The following SYCP2L variants were observed in gnomAD, a reference collection of about 807,000 sequenced individuals.
SYCP2L encodes synaptonemal complex protein 2-like.
Under a neutral mutation model 125.8 loss-of-function variants are expected in SYCP2L, and 98 were observed. The ratio of observed to expected loss-of-function variants is 0.78; its 90% CI spans 0.66 to 0.92. SYCP2L has a LOEUF of 0.92. Ranked by LOEUF, SYCP2L falls within the 40% of genes least tolerant of loss-of-function variation. The pLI is 0.00. For synonymous variants in SYCP2L, 317 were observed against 325.4 expected (o/e 0.97, Z 0.28); for missense variants, 842 against 936.4 (o/e 0.90, Z 1.32).
intron 21 of SYCP2L, among the ~76,000 whole-genome samples, chr6:10,942,012 GA>G (rs1347005242): frequency 6.6e-6 from 1 of 151,920 alleles, no homozygotes; most frequent in Non-Finnish European, 1.5e-5. Context: ...TAGGGACATG[GA>G]TGAAGCTGGA....
chr6:10,906,358 A>C (rs1357979323), intron 9 of SYCP2L, among the ~76,000 whole-genome samples: 2 of 151,456 alleles, frequency 1.3e-5, no homozygotes, highest in East Asian at 3.9e-4. Flanking sequence ...CATGTTCCTC[A>C]TCCCATTTCC....
intron 29 of SYCP2L, among the ~76,000 whole-genome samples, chr6:10,964,822 A>G (rs1781653296): frequency 6.6e-6 from 1 of 152,208 alleles, no homozygotes; most frequent in South Asian, 2.1e-4. Context: ...AGACACTTCA[A>G]GGTCTCTCTG....
At chr6:10,908,933 A>C (rs1780555603) in intron 10 of SYCP2L, among the ~76,000 whole-genome samples, 1 of 152,076 alleles carries the variant, frequency 6.6e-6, no homozygotes, top group East Asian at 1.9e-4. Context: ...GCCCACCTCA[A>C]AGTCTTGAGA....
At chr6:10,935,332 A>G (rs1327994371) in intron 21 of SYCP2L, 145 bp downstream of exon 21, 2 of 859,224 alleles carry the variant, frequency 2.3e-6, no homozygotes, top group Non-Finnish European at 3.5e-6. Context: ...TCTTATTAGC[A>G]AATTAACAGA....
Position 10,894,221 on chromosome 6 carries a change from A to AATTTTATAT in SYCP2L, c.336+18_336+26dup, listed in dbSNP as rs1561678972. On this transcript the variant is annotated intron_variant, in intron 4 of 29. Coordinates refer to ENST00000283141, the MANE Select transcript of SYCP2L (RefSeq NM_001040274.3). ...ATCCCAAAGATAAGTGTCCTATTTT[A>AATTTTATAT]ATTTTATATGGCTTTGGGTAACTTA... 1 of 1,610,358 alleles carries AATTTTATAT rather than the reference A, an allele frequency of 6.2e-7. No homozygotes were observed. The highest frequency in any genetic ancestry group is 8.5e-7 in the Non-Finnish European group (1 of 1,179,362).
At chr6:10,939,415 C>CA (rs1248929990) in intron 21 of SYCP2L, among the ~76,000 whole-genome samples, 4 of 152,044 alleles carry the variant, frequency 2.6e-5, no homozygotes, top group African/African-American at 9.7e-5. Context: ...CCTAAATAGC[C>CA]AAAGCAATCT....
chr6:10,908,852 G>C (rs1780554497), intron 10 of SYCP2L, among the ~76,000 whole-genome samples: 1 of 152,140 alleles, frequency 6.6e-6, no homozygotes, highest in Non-Finnish European at 1.5e-5. Context: ...CCAATTTATG[G>C]GATGTATGCA....
At chr6:10,950,842 G>T (rs568110419) in intron 23 of SYCP2L, among the ~76,000 whole-genome samples, 1 of 152,070 alleles carries the variant, frequency 6.6e-6, no homozygotes, top group Non-Finnish European at 1.5e-5. Flanking sequence ...TGTAATTTTC[G>T]TAGAGACAGG....
intron 28 of SYCP2L, 63 bp downstream of exon 28, chr6:10,961,621 A>G (rs1781595031): frequency 1.4e-5 from 21 of 1,522,184 alleles, no homozygotes; most frequent in Non-Finnish European, 1.9e-5. Flanking sequence ...TGCTTTAGCT[A>G]GAGAATGGGC....
intron 4 of SYCP2L, among the ~76,000 whole-genome samples, chr6:10,895,658 A>G (rs1490699105): frequency 6.6e-6 from 1 of 152,074 alleles, no homozygotes; most frequent in Non-Finnish European, 1.5e-5. Flanking sequence ...TTAGAGAATA[A>G]AAGATTGATC....
chr6:10,913,171 G>GT (rs1164397968), intron 14 of SYCP2L, among the ~76,000 whole-genome samples: 1 of 152,156 alleles, frequency 6.6e-6, no homozygotes, highest in East Asian at 1.9e-4. Flanking sequence ...AAAATTAAAA[G>GT]TAGAACTACC....
chr6:10,941,131 C>T (rs1781211426), intron 21 of SYCP2L, among the ~76,000 whole-genome samples: 1 of 152,146 alleles, frequency 6.6e-6, no homozygotes, highest in African/African-American at 2.4e-5. Flanking sequence ...CCCTTCCTTA[C>T]ACCTTAAACA....
intron 26 of SYCP2L, 41 bp from the exon 27 acceptor site, chr6:10,961,264 C>T (rs536944788): frequency 2.0e-6 from 3 of 1,520,538 alleles, no homozygotes; most frequent in South Asian, 2.3e-5. Context: ...CTGTCACATC[C>T]AAGCGATCCC....
chr6:10,901,241 T>A (rs896682212), intron 6 of SYCP2L, among the ~76,000 whole-genome samples: 1 of 152,234 alleles, frequency 6.6e-6, no homozygotes, highest in Non-Finnish European at 1.5e-5. Flanking sequence ...TTCTTCTTTG[T>A]ATATGACAAC....
chr6:10,952,725 C>T (rs952235419), intron 23 of SYCP2L, among the ~76,000 whole-genome samples: 8 of 152,106 alleles, frequency 5.3e-5, no homozygotes, highest in Non-Finnish European at 1.2e-4. Context: ...ATAGACACCA[C>T]AGAAGATGCA....
intron 17 of SYCP2L, among the ~76,000 whole-genome samples, chr6:10,927,804 T>G (rs951469149): frequency 2.6e-5 from 4 of 152,118 alleles, no homozygotes; most frequent in Non-Finnish European, 5.9e-5. Context: ...TATGGGAGAC[T>G]GGGGCTTATT....
chr6:10,888,302 G>GC (rs1197962211), intron 1 of SYCP2L, among the ~76,000 whole-genome samples: 1 of 151,710 alleles, frequency 6.6e-6, no homozygotes, highest in Non-Finnish European at 1.5e-5. Context: ...TCACCATGTT[G>GC]GCCAGGATGG....
chr6:10,892,164 C>T (rs2113282434), intron 2 of SYCP2L, among the ~76,000 whole-genome samples: 1 of 152,218 alleles, frequency 6.6e-6, no homozygotes, highest in Middle Eastern at 3.4e-3. Context: ...GTTCAAAGGC[C>T]CCGAGGCAAG....
intron 1 of SYCP2L, 141 bp downstream of exon 1, chr6:10,887,276 C>T (rs1022403303): frequency 1.2e-5 from 14 of 1,157,728 alleles, no homozygotes; most frequent in Non-Finnish European, 1.8e-5. Flanking sequence ...CCGCCACCTC[C>T]TTGGGTTTGC....
Sources: allele counts gnomAD v4.1 joint callset (sites outside exome capture counted in the v4.1 genomes callset), GRCh38; gene constraint gnomAD v4.1.1; transcripts MANE v1.5; gene names NCBI Gene and HGNC (gene_info 2026-07-23, HGNC 2026-07-21).